Variants in IMMP2L observed in about 807,000 individuals in gnomAD.
IMMP2L encodes mitochondrial inner membrane protease subunit 2.
A neutral mutation model predicts 19.3 loss-of-function variants in IMMP2L; 18 were observed. That is an observed-to-expected ratio of 0.93 (90% CI 0.64 to 1.38). The LOEUF (loss-of-function observed/expected upper bound fraction) is 1.38. IMMP2L is among the 40% of genes most tolerant of loss of function. The pLI is 0.00. For synonymous variants in IMMP2L, 76 were observed against 73.0 expected (o/e 1.04, Z -0.21); for missense variants, 233 against 218.2 (o/e 1.07, Z -0.43).
intron 3 of IMMP2L, among the ~76,000 whole-genome samples, chr7:111,069,668 T>C (rs1009926807): frequency 1.3e-5 from 2 of 152,046 alleles, no homozygotes; most frequent in African/African-American, 4.8e-5. Flanking sequence ...CTCTGCAGTA[T>C]TGCTCATAAT....
At chr7:110,794,294 A>T (rs1307083872) in intron 5 of IMMP2L, among the ~76,000 whole-genome samples, 1 of 152,124 alleles carries the variant, frequency 6.6e-6, no homozygotes, top group African/African-American at 2.4e-5. Context: ...TGTGGTACAT[A>T]CATACAATGA....
chr7:111,086,372 C>T (rs1796335281), intron 3 of IMMP2L, among the ~76,000 whole-genome samples: 1 of 151,978 alleles, frequency 6.6e-6, no homozygotes, highest in Middle Eastern at 3.4e-3. Flanking sequence ...CCCAGGATTT[C>T]GAGGTTATTG....
intron 5 of IMMP2L, among the ~76,000 whole-genome samples, chr7:110,774,682 G>A (rs1035421448): frequency 5.9e-5 from 9 of 152,016 alleles, no homozygotes; most frequent in South Asian, 4.2e-4. Flanking sequence ...AAGTGCCTAC[G>A]GTATTTAGAA....
chr7:111,130,168 G>C (rs1455139398), intron 3 of IMMP2L, among the ~76,000 whole-genome samples: 1 of 152,098 alleles, frequency 6.6e-6, no homozygotes, highest in Non-Finnish European at 1.5e-5. Flanking sequence ...ATAAGCCATA[G>C]AGCATATACC....
chr7:111,377,050 A>G (rs1004106561), intron 3 of IMMP2L, among the ~76,000 whole-genome samples: 3 of 151,950 alleles, frequency 2.0e-5, no homozygotes, highest in African/African-American at 7.2e-5. Flanking sequence ...ATGGTATATG[A>G]ATTAAATTTC....
chr7:110,742,748 A>G (rs1156405758), intron 5 of IMMP2L, among the ~76,000 whole-genome samples: 1 of 144,360 alleles, frequency 6.9e-6, no homozygotes, highest in African/African-American at 2.6e-5. Flanking sequence ...AGCCTGGGCA[A>G]CAAGAGCTAA....
intron 3 of IMMP2L, among the ~76,000 whole-genome samples, chr7:111,455,262 T>C (rs1387766757): frequency 6.6e-6 from 1 of 151,510 alleles, no homozygotes; most frequent in African/African-American, 2.4e-5. Flanking sequence ...TGCCCATATA[T>C]GTGTGCTCTT....
intron 3 of IMMP2L, among the ~76,000 whole-genome samples, chr7:111,138,743 T>A (rs530029930): frequency 1.3e-5 from 2 of 152,234 alleles, no homozygotes; most frequent in African/African-American, 4.8e-5. Context: ...TCAGCTGAAG[T>A]CCTATTTGGT....
intron 3 of IMMP2L, among the ~76,000 whole-genome samples, chr7:111,062,064 A>C (rs956375016): frequency 5.3e-5 from 8 of 152,052 alleles, no homozygotes; most frequent in African/African-American, 1.9e-4. Flanking sequence ...CTTTTCCTTA[A>C]AGTATTTTCT....
intron 3 of IMMP2L, among the ~76,000 whole-genome samples, chr7:110,976,998 TAAGA>T (rs1489048396): frequency 6.6e-6 from 1 of 151,946 alleles, no homozygotes; most frequent in Admixed American, 6.6e-5. Flanking sequence ...ATAACTCTAA[TAAGA>T]AAGAGTAAGA....
rs2130803744 is a variant in IMMP2L at position 110,728,555 on chromosome 7, C to T, written c.409-64834G>A. Among the ~76,000 whole-genome samples, 1 of 152,180 alleles carries T rather than the reference C, an allele frequency of 6.6e-6. No homozygotes were observed. The highest frequency in any genetic ancestry group is 1.9e-4 in the East Asian group (1 of 5,176). ...ATATTAAAGGCCCCTTTTGACCCACCTTACCTGCAAAGAATAATCAGGGCA... is the reference window on the plus strand; with the variant it reads ...ATATTAAAGGCCCCTTTTGACCCACTTTACCTGCAAAGAATAATCAGGGCA... On this transcript the variant is annotated intron_variant, in intron 5 of 5. Transcript: ENST00000405709. This position sits in a 1 kb window ranked among gnomAD's most constrained non-coding sequence, Gnocchi z 4.6.
chr7:111,094,384 T>C (rs1292890268), intron 3 of IMMP2L, among the ~76,000 whole-genome samples: 2 of 152,108 alleles, frequency 1.3e-5, no homozygotes, highest in Non-Finnish European at 2.9e-5. Context: ...AGTTCCTACT[T>C]CTAGCCTCAG....
rs573168463 is a variant in IMMP2L, at chr7:111,440,661, T to C, written c.239+46577A>G. 3.2e-4 allele frequency among the ~76,000 whole-genome samples: 48 copies of C among 152,010 alleles called. 1 individual carries two copies. Among genetic ancestry groups the C allele is most frequent in the African/African-American group, 1.0e-3 (42 of 41,306 alleles). ...GGATTTTCAGAGTGGTCAAGGACCA[T>C]TGGCTTCAACTTAAAGTGAACAGCT... On this transcript the variant is annotated intron_variant, in intron 3 of 5. Transcript: ENST00000405709.
At chr7:111,205,392 T>C (rs1460971303) in intron 3 of IMMP2L, among the ~76,000 whole-genome samples, 4 of 152,204 alleles carry the variant, frequency 2.6e-5, no homozygotes, top group African/African-American at 9.7e-5. Flanking sequence ...TTGTTGTGTA[T>C]TTCTTTCAAG....
chr7:111,343,890 AT>A (rs1827274986), intron 3 of IMMP2L, among the ~76,000 whole-genome samples: 1 of 152,082 alleles, frequency 6.6e-6, no homozygotes, highest in Non-Finnish European at 1.5e-5. Context: ...TACAACCATC[AT>A]TTACTGATCA....
At chr7:111,038,756 C>T (rs898543937) in intron 3 of IMMP2L, among the ~76,000 whole-genome samples, 3 of 152,100 alleles carry the variant, frequency 2.0e-5, no homozygotes, top group Non-Finnish European at 4.4e-5. Context: ...TTTTATCTGA[C>T]ATGAGTTGAA....
chr7:111,415,033 A>G (rs1834831486), intron 3 of IMMP2L, among the ~76,000 whole-genome samples: 1 of 151,830 alleles, frequency 6.6e-6, no homozygotes, highest in Non-Finnish European at 1.5e-5. Context: ...TAACGTAATT[A>G]AAGTCCCAAA....
chr7:111,109,595 A>G (rs1459711937), intron 3 of IMMP2L, among the ~76,000 whole-genome samples: 1 of 152,190 alleles, frequency 6.6e-6, no homozygotes, highest in Admixed American at 6.5e-5. Context: ...AGAGTTCAGG[A>G]GCCATCACTG....
At chr7:111,020,316 G>A (rs1486271306) in intron 3 of IMMP2L, among the ~76,000 whole-genome samples, 5 of 152,004 alleles carry the variant, frequency 3.3e-5, no homozygotes, top group South Asian at 4.2e-4. Context: ...CCCAGGAGGC[G>A]AAGGTTGCAG....
Sources: allele counts gnomAD v4.1 joint callset (sites outside exome capture counted in the v4.1 genomes callset), GRCh38; gene constraint gnomAD v4.1.1; non-coding constraint Gnocchi (gnomAD v3.1); transcripts MANE v1.5; gene names NCBI Gene and HGNC (gene_info 2026-07-23, HGNC 2026-07-21).